DIP2A: variants seen among roughly 807,000 people sequenced by gnomAD.
DIP2A encodes DIP2 acetate--CoA ligase A.
Under a neutral mutation model 177.4 loss-of-function variants are expected in DIP2A, and 85 were observed. That is an observed-to-expected ratio of 0.48 (90% CI 0.40 to 0.57). The LOEUF is 0.57. Ranked by LOEUF, DIP2A falls within the 20% of genes least tolerant of loss-of-function variation. The probability of loss-of-function intolerance (pLI) is 0.00; values close to 1 mark genes in which losing one functional copy is unlikely to be tolerated. For missense variants in DIP2A, 1,791 were observed against 2,100.2 expected, an observed-to-expected ratio of 0.85 and a Z score of 2.88; for synonymous variants, 886 against 881.8, an observed-to-expected ratio of 1.00 and a Z score of -0.08.
At chr21:46,494,050 T>G (rs1034910239) in intron 3 of DIP2A, among the ~76,000 whole-genome samples, 2 of 152,256 alleles carry the variant, frequency 1.3e-5, no homozygotes, top group African/African-American at 4.8e-5. Flanking sequence ...AGTCTTGGTT[T>G]CTGTATCTGA....
chr21:46,562,492 A>C (rs2148912415), intron 34 of DIP2A, among the ~76,000 whole-genome samples: 1 of 152,332 alleles, frequency 6.6e-6, no homozygotes, highest in African/African-American at 2.4e-5. Flanking sequence ...TGCCATGGCC[A>C]CAGCCACCTG....
chr21:46,542,459 A>G (rs2059857745), intron 18 of DIP2A, among the ~76,000 whole-genome samples: 2 of 152,260 alleles, frequency 1.3e-5, no homozygotes, highest in African/African-American at 4.8e-5. Context: ...CATGTGTTAG[A>G]TAGAAGCCTC....
intron 25 of DIP2A, 78 bp downstream of exon 25, chr21:46,551,982 C>A: frequency 6.9e-7 from 1 of 1,455,574 alleles, no homozygotes; most frequent in Non-Finnish European, 9.3e-7. Flanking sequence ...GTTCATGGTG[C>A]CAGTGTCCTG....
rs76189255 is a variant in DIP2A at position 46,534,104 on chromosome 21, C to T, written c.1530C>T (p.Ala510=). Residue 510 remains alanine (A), a synonymous_variant, in exon 12 of 38, where the codon GCC becomes GCT. Transcript: ENST00000417564. ...PLAQDTGTGT[A]YIEYKTSKEG... is the part of the protein sequence containing the mutation. ...CCCAGGACACAGGGACTGGGACTGC[C>T]TACATTGAGGTAATGACTGTTCCTA... is the stretch of plus-strand genomic sequence containing the variant. The T allele has an allele frequency of 3.3e-4, 525 of 1,612,886 alleles. 5 individuals carry two copies. In the East Asian group the frequency reaches 0.012, roughly 36 times the overall value.
Position 46,557,985 on chromosome 21 carries a change from C to T in DIP2A, c.3798+232C>T, listed in dbSNP as rs930720141. Among the ~76,000 whole-genome samples, 3 of 152,162 alleles carry T rather than the reference C, an allele frequency of 2.0e-5. No individual in the cohort carries two copies. The highest frequency in any genetic ancestry group is 1.3e-4 in the Admixed American group (2 of 15,274). On this transcript the variant is annotated intron_variant, in intron 31 of 37. Coordinates refer to ENST00000417564, the MANE Select transcript of DIP2A (RefSeq NM_015151.4). This position sits in a 1 kb window ranked among gnomAD's most constrained non-coding sequence, Gnocchi z 6.0. ...GGTGGGGGGTAGGGCAGGGTCCCTG[C>T]GAGATAGCGGGGTGGAAGTCTGGCC...
At position 46,498,558 on chromosome 21, in the gene DIP2A, C is replaced by T. The variant is rs1213236698; in HGVS notation, c.404-24C>T. On this transcript the variant is annotated intron_variant, in intron 4 of 37. Transcript: ENST00000417564. The surrounding 1 kb of genome is among the most constrained non-coding windows in gnomAD (Gnocchi z 4.3). ...CTCTTGACTCATCCCGATATCATGC[C>T]TGTCATCGTTATTTTAACCACAGAC... 1 of 1,586,820 alleles carries T rather than the reference C, an allele frequency of 6.3e-7. No homozygotes were observed. The highest frequency in any genetic ancestry group is 8.6e-7 in the Non-Finnish European group (1 of 1,165,034).
intron 8 of DIP2A, among the ~76,000 whole-genome samples, chr21:46,521,464 C>T (rs1445080767): frequency 6.6e-6 from 1 of 152,152 alleles, no homozygotes; most frequent in Non-Finnish European, 1.5e-5. Context: ...GCTGGGATTA[C>T]AGGCATGAGC....
At chr21:46,477,543 T>TTTGTGTGTGTGTG (rs374607636) in intron 1 of DIP2A, among the ~76,000 whole-genome samples, 1 of 87,094 alleles carries the variant, frequency 1.1e-5, no homozygotes, top group Admixed American at 1.4e-4. Flanking sequence ...AAAAAAAGAT[T>TTTGTGTGTGTGTG]TGTGTGTGTG....
chr21:46,566,704 C>G, intron 37 of DIP2A, 21 bp downstream of exon 37: 1 of 1,613,754 alleles, frequency 6.2e-7, no homozygotes, highest in Non-Finnish European at 8.5e-7. Flanking sequence ...AGGTGGAGGG[C>G]GGCTTCACGT....
At chr21:46,576,519 T>C in the DIP2A span, among the ~76,000 whole-genome samples, 3 of 152,224 alleles carry the variant, frequency 2.0e-5, no homozygotes, top group African/African-American at 7.2e-5. Context: ...TTATCTAGCC[T>C]ACCATTGACA....
intron 3 of DIP2A, among the ~76,000 whole-genome samples, chr21:46,490,954 C>T (rs1479411501): frequency 6.6e-6 from 1 of 152,140 alleles, no homozygotes; most frequent in East Asian, 1.9e-4. Flanking sequence ...TAGGGGATGC[C>T]TACAAAACTC....
chr21:46,578,511 G>A, the DIP2A span, among the ~76,000 whole-genome samples: 2 of 152,218 alleles, frequency 1.3e-5, no homozygotes, highest in Non-Finnish European at 2.9e-5. Flanking sequence ...GGAGTGGTGA[G>A]AGGGGGCATC....
intron 12 of DIP2A, among the ~76,000 whole-genome samples, 186 bp downstream of exon 12, chr21:46,534,299 C>T (rs1220553384): frequency 6.6e-6 from 1 of 152,188 alleles, no homozygotes; most frequent in Non-Finnish European, 1.5e-5. Flanking sequence ...AGGTTTCTCT[C>T]TCATCTAATT....
intron 28 of DIP2A, among the ~76,000 whole-genome samples, chr21:46,555,244 G>A (rs1344485368): frequency 1.3e-5 from 2 of 152,158 alleles, no homozygotes; most frequent in Admixed American, 6.5e-5. Flanking sequence ...CAAACGCTTT[G>A]AGGACACAGC....
chr21:46,558,548 A>G, intron 32 of DIP2A, 155 bp downstream of exon 32: 1 of 755,692 alleles, frequency 1.3e-6, no homozygotes, highest in Non-Finnish European at 2.1e-6. Context: ...TTTAGCTTCA[A>G]GGGTTTTATT....
intron 18 of DIP2A, among the ~76,000 whole-genome samples, chr21:46,542,790 C>G (rs2059871174): frequency 6.6e-6 from 1 of 152,242 alleles, no homozygotes; most frequent in African/African-American, 2.4e-5. Context: ...AGTGCAGTCT[C>G]CCCCCTTCCA....
At position 46,533,513 on chromosome 21, in the gene DIP2A, G is replaced by A; in HGVS notation, c.1306-11G>A. 1 of 1,612,076 alleles carries A rather than the reference G, an allele frequency of 6.2e-7. No homozygotes were observed. The highest frequency in any genetic ancestry group is 2.2e-5 in the East Asian group (1 of 44,842). Reference sequence around the variant, plus strand: ...GCACCCCACCCCACACGGTCACTCTGCTTTCTGCAGGATGCAGGCAGCCAG... The same window carrying A: ...GCACCCCACCCCACACGGTCACTCTACTTTCTGCAGGATGCAGGCAGCCAG... On this transcript the variant is annotated splice_polypyrimidine_tract_variant and intron_variant, in intron 10 of 37. Transcript: ENST00000417564.
chr21:46,545,702 C>A (rs1248636024), intron 19 of DIP2A, among the ~76,000 whole-genome samples, 179 bp from the exon 20 acceptor site: 1 of 152,240 alleles, frequency 6.6e-6, no homozygotes, highest in Non-Finnish European at 1.5e-5. Context: ...CCTCAGGAGG[C>A]CTGCCCAGGA....
At chr21:46,536,942 C>T (rs1202338142) in intron 13 of DIP2A, among the ~76,000 whole-genome samples, 1 of 151,590 alleles carries the variant, frequency 6.6e-6, no homozygotes, top group East Asian at 1.9e-4. Flanking sequence ...GCTGTGGTGA[C>T]ACCTTGTATA....
Sources: allele counts gnomAD v4.1 joint callset (sites outside exome capture counted in the v4.1 genomes callset), GRCh38; gene constraint gnomAD v4.1.1; non-coding constraint Gnocchi (gnomAD v3.1); transcripts MANE v1.5; gene names NCBI Gene and HGNC (gene_info 2026-07-23, HGNC 2026-07-21).